Variants in CELSR1 observed in about 807,000 individuals in gnomAD.
CELSR1 encodes adhesion G protein-coupled receptor C1.
A neutral mutation model predicts 249.1 loss-of-function variants in CELSR1; 110 were observed. The ratio of observed to expected loss-of-function variants is 0.44; its 90% CI spans 0.38 to 0.52. The LOEUF (loss-of-function observed/expected upper bound fraction) is 0.52, where lower values mean the gene tolerates loss of function less well. Among genes scored for constraint, CELSR1 ranks in the 20% least tolerant of loss-of-function variants. The pLI, the probability that CELSR1 is intolerant of heterozygous loss-of-function variation, is 0.00. For synonymous variants in CELSR1, 2,113 were observed against 1,900.0 expected (o/e 1.11, Z -2.92); for missense variants, 4,109 against 4,296.4 (o/e 0.96, Z 1.22).
chr22:46,373,175 C>G (rs944362973), intron 24 of CELSR1, 118 bp from the exon 25 acceptor site: 1 of 1,099,828 alleles, frequency 9.1e-7, no homozygotes, highest in African/African-American at 1.6e-5. Flanking sequence ...ATGTGTCTGT[C>G]CTCAGCTGAG....
intron 1 of CELSR1, among the ~76,000 whole-genome samples, chr22:46,521,507 A>T (rs2080685586): frequency 6.6e-6 from 1 of 150,476 alleles, no homozygotes. Context: ...TCCATCTCAA[A>T]AAAAAAAAAG....
At position 46,377,272 on chromosome 22, in the gene CELSR1, G is replaced by A. The variant is rs774023152; in HGVS notation, c.7384-11C>T. 7.4e-6 allele frequency: 12 copies of A among 1,613,398 alleles called. No homozygotes were observed. Among genetic ancestry groups the A allele is most frequent in the Admixed American group, 1.7e-5 (1 of 59,968 alleles). ...CAGGACCTCCCCGTTCTATGGGCAGGAGGGTTAAAGGCAGGAGAGAAGGTA... is the reference window on the plus strand; with the variant it reads ...CAGGACCTCCCCGTTCTATGGGCAGAAGGGTTAAAGGCAGGAGAGAAGGTA... On this transcript the variant is annotated splice_polypyrimidine_tract_variant and intron_variant, in intron 23 of 34. Coordinates refer to ENST00000674500, the MANE Select transcript of CELSR1 (RefSeq NM_001378328.1).
Position 46,411,648 on chromosome 22 carries a change from C to G in CELSR1, c.4723G>C (p.Gly1575Arg), listed in dbSNP as rs766506903. 1.2e-6 allele frequency: 2 copies of G among 1,614,196 alleles called. No homozygotes were observed. The highest frequency in any genetic ancestry group is 1.1e-5 in the South Asian group (1 of 91,078). Reference protein sequence around the residue: ...TMAVRFGKDIGNYSCAAQGTQ... With the variant: ...TMAVRFGKDIRNYSCAAQGTQ... ...CCCTGGGCAGCGCAGCTGTAGTTCC[C>G]GATGTCCTTTCCAAAGCGCACAGCC... is the stretch of plus-strand genomic sequence containing the variant. The change falls in exon 6 of 35, where the codon GGG becomes CGG. Residue 1575 changes from glycine (G) to arginine (R), a missense_variant. Around this residue, in one of 7 missense-constraint regions of CELSR1, gnomAD observed 453 missense variants for 492.0 expected, o/e 0.92. Transcript: ENST00000674500. This position sits in a 1 kb window ranked among gnomAD's most constrained non-coding sequence, Gnocchi z 4.2.
At position 46,386,561 on chromosome 22, in the gene CELSR1, G is replaced by A. The variant is rs778039609; in HGVS notation, c.6580C>T (p.Leu2194Phe). The change falls in exon 19 of 35, where the codon CTC becomes TTC. Residue 2194 changes from leucine to phenylalanine, a missense_variant. Leu to Phe is a conservative substitution (Grantham distance 22). This residue lies in a region of CELSR1 where 1,805 missense variants were observed against 1,831.6 expected (regional missense o/e 0.99). Coordinates refer to ENST00000674500, the MANE Select transcript of CELSR1 (RefSeq NM_001378328.1). The stretch of plus-strand genomic sequence containing the variant: ...GCCGCCCTGGTGGCTGGGGCCAGGA[G>A]GGCGCTGCCCGAGTGGATGACGTCC... Reference protein sequence around the residue: ...HEDVIHSGSALLAPATRAAWE... With the variant: ...HEDVIHSGSAFLAPATRAAWE... 1.4e-5 allele frequency: 22 copies of A among 1,597,220 alleles called. No homozygotes were observed. Among genetic ancestry groups the A allele is most frequent in the South Asian group, 3.4e-5 (3 of 88,916 alleles).
rs370322773 is a variant in CELSR1, at chr22:46,364,138, G to A, written c.8893C>T (p.Arg2965Cys). ...ADCEQSPTSSRTSSLGSGGPD... is the reference protein window; with the variant it reads ...ADCEQSPTSSCTSSLGSGGPD... ...CCGCCAGAGCCCAGGGAAGACGTGCGCGAGGATGTGGGGCTCTGCTCACAG... is the reference window on the plus strand; with the variant it reads ...CCGCCAGAGCCCAGGGAAGACGTGCACGAGGATGTGGGGCTCTGCTCACAG... The change falls in exon 34 of 35, where the codon CGC becomes TGC. Residue 2965 changes from arginine (R) to cysteine (C), a missense_variant. Arg to Cys is a radical substitution (Grantham distance 180). Around this residue, in one of 7 missense-constraint regions of CELSR1, gnomAD observed 1,805 missense variants for 1,831.6 expected, o/e 0.99. Transcript: ENST00000674500. The A allele has an allele frequency of 2.4e-5, 38 of 1,607,494 alleles. No homozygotes were observed. Among genetic ancestry groups the A allele is most frequent in the Non-Finnish European group, 2.6e-5 (31 of 1,179,600 alleles).
chr22:46,392,196 C>T (rs1456336415), intron 14 of CELSR1, among the ~76,000 whole-genome samples: 2 of 152,242 alleles, frequency 1.3e-5, no homozygotes, highest in Non-Finnish European at 2.9e-5. Flanking sequence ...TGAACGTCCA[C>T]CATTGGGTGG....
intron 20 of CELSR1, among the ~76,000 whole-genome samples, chr22:46,382,254 G>A (rs2078986395): frequency 6.6e-6 from 1 of 152,190 alleles, no homozygotes. Context: ...ACTGAAGGCG[G>A]GGACCCAGAT....
At chr22:46,382,332 C>G (rs1050749266) in intron 20 of CELSR1, among the ~76,000 whole-genome samples, 4 of 152,234 alleles carry the variant, frequency 2.6e-5, no homozygotes, top group South Asian at 2.1e-4. Flanking sequence ...GGCTGGAGTG[C>G]AGTGGCGCCA....
intron 1 of CELSR1, among the ~76,000 whole-genome samples, chr22:46,480,559 T>C (rs1342060052): frequency 1.3e-5 from 2 of 152,208 alleles, no homozygotes; most frequent in Non-Finnish European, 2.9e-5. Context: ...AGTGACCTCA[T>C]GGATTTTGTT....
intron 2 of CELSR1, among the ~76,000 whole-genome samples, chr22:46,459,902 C>G (rs1200245216): frequency 2.6e-5 from 4 of 152,116 alleles, no homozygotes; most frequent in African/African-American, 9.7e-5. Flanking sequence ...GAGCAGAGCA[C>G]CACTAAACAT....
Position 46,377,124 on chromosome 22 carries a change from G to A in CELSR1, c.7521C>T (p.Leu2507=), listed in dbSNP as rs761767635. ...RSNLHSIHKH[L]AVALFLSQLV... ...GCTGAGAGAGGAAGAGCGCCACGGC[G>A]AGGTGCTTGTGAATGCTGTGCAGGT... Residue 2507 remains leucine, a synonymous_variant, in exon 24 of 35, where the codon CTC becomes CTT. Transcript: ENST00000674500. The A allele has an allele frequency of 1.0e-4, 167 of 1,613,628 alleles. No homozygotes were observed. The highest frequency in any genetic ancestry group is 5.8e-4 in the East Asian group (26 of 44,890).
rs371751424 is a variant in CELSR1, at chr22:46,385,924, A to G, written c.6739+478T>C. Reference sequence around the variant, plus strand: ...GATCTCCTGACCCTGTGATCCGCCCACCTTGGCCTCCCAAATTGCTGGGAT... The same window carrying G: ...GATCTCCTGACCCTGTGATCCGCCCGCCTTGGCCTCCCAAATTGCTGGGAT... On this transcript the variant is annotated intron_variant, in intron 19 of 34. Coordinates refer to ENST00000674500, the MANE Select transcript of CELSR1 (RefSeq NM_001378328.1). Among the ~76,000 whole-genome samples, 1,030 of 146,782 alleles carry G rather than the reference A, an allele frequency of 7.0e-3. 14 individuals are homozygous for G. The highest frequency in any genetic ancestry group is 0.025 in the African/African-American group (957 of 38,274).
intron 1 of CELSR1, among the ~76,000 whole-genome samples, chr22:46,529,183 G>T (rs1290194349): frequency 6.6e-6 from 1 of 150,968 alleles, no homozygotes; most frequent in Admixed American, 6.6e-5. Flanking sequence ...GGAGAATGGT[G>T]TGAACCCAGG....
chr22:46,534,001 C>A lies in CELSR1; in HGVS notation c.3170G>T (p.Arg1057Leu). 6.2e-7 allele frequency: 1 copy of A among 1,613,642 alleles called. No individual in the cohort carries two copies. Among genetic ancestry groups the A allele is most frequent in the Non-Finnish European group, 8.5e-7 (1 of 1,180,014 alleles). The change falls in exon 1 of 35, where the codon CGT becomes CTT. Residue 1057 changes from arginine (R) to leucine (L), a missense_variant. Transcript: ENST00000674500. This position sits in a 1 kb window ranked among gnomAD's most constrained non-coding sequence, Gnocchi z 9.7. ...FQLDLLNGDLRAMVELDFEVR... is the reference protein window; with the variant it reads ...FQLDLLNGDLLAMVELDFEVR... Reference sequence around the variant, plus strand: ...CTCAAAGTCCAGCTCCACCATGGCACGCAGGTCCCCGTTGAGCAGGTCCAG... The same window carrying A: ...CTCAAAGTCCAGCTCCACCATGGCAAGCAGGTCCCCGTTGAGCAGGTCCAG...
intron 1 of CELSR1, among the ~76,000 whole-genome samples, chr22:46,496,793 T>C (rs960168315): frequency 9.9e-5 from 15 of 152,082 alleles, no homozygotes; most frequent in African/African-American, 3.4e-4. Flanking sequence ...CCATCTATAC[T>C]AATAATGCCT....
Position 46,506,190 on chromosome 22 carries a change from AAAAG to A in CELSR1, c.3544+27433_3544+27436del, listed in dbSNP as rs2080512989. On this transcript the variant is annotated intron_variant, in intron 1 of 34. Coordinates refer to ENST00000674500, the MANE Select transcript of CELSR1 (RefSeq NM_001378328.1). The surrounding 1 kb of genome is among the most constrained non-coding windows in gnomAD (Gnocchi z 4.1). ...ACTGTCTCCAAAAAAAAAAAAAAAA[AAAAG>A]AAAAAGAAAGAAAGACAGAAAAGAA... Among the ~76,000 whole-genome samples, 4 of 100,226 alleles carry A rather than the reference AAAAG, an allele frequency of 4.0e-5. No individual in the cohort carries two copies. Among genetic ancestry groups the A allele is most frequent in the African/African-American group, 6.0e-5 (2 of 33,446 alleles). 65.8% of individuals were successfully genotyped at this position (100,226 alleles called of 152,430 possible).
At chr22:46,504,738 C>G (rs1218080185) in intron 1 of CELSR1, among the ~76,000 whole-genome samples, 1 of 152,110 alleles carries the variant, frequency 6.6e-6, no homozygotes, top group Non-Finnish European at 1.5e-5. Context: ...GGCCATTTGA[C>G]CACGGTTATC....
At chr22:46,389,573 C>T in intron 17 of CELSR1, 74 bp from the exon 18 acceptor site, 1 of 1,410,824 alleles carries the variant, frequency 7.1e-7, no homozygotes, top group Non-Finnish European at 9.9e-7. Flanking sequence ...TACTCAGCAA[C>T]TCACTACTGT....
chr22:46,382,080 G>C, intron 20 of CELSR1, 30 bp from the exon 21 acceptor site: 1 of 1,482,646 alleles, frequency 6.7e-7, no homozygotes, highest in Admixed American at 2.3e-5. Flanking sequence ...TGAGGACTCT[G>C]GCAGGAGCAC....
Sources: gnomAD v4.1 joint callset for allele counts (sites outside exome capture counted in the v4.1 genomes callset) on GRCh38, gnomAD v4.1.1 for gene constraint, gnomAD v4.1.1 regional missense constraint, Gnocchi (gnomAD v3.1) non-coding constraint, MANE v1.5 for transcripts, NCBI Gene and HGNC (gene_info 2026-07-23, HGNC 2026-07-21) for gene names.